Variants in IMMP1L observed in about 807,000 individuals in gnomAD.
The protein encoded by IMMP1L is mitochondrial inner membrane protease subunit 1.
In IMMP1L, 24 loss-of-function variants were observed where a neutral mutation model predicts 21.8. The ratio of observed to expected loss-of-function variants is 1.10; its 90% CI spans 0.80 to 1.55. The LOEUF (loss-of-function observed/expected upper bound fraction) is 1.55, where lower values mean the gene tolerates loss of function less well. IMMP1L is among the 40% of genes most tolerant of loss of function. The pLI, the probability that IMMP1L is intolerant of heterozygous loss-of-function variation, is 0.00. For missense variants in IMMP1L, 195 were observed against 200.7 expected (o/e 0.97, Z 0.17); for synonymous variants, 46 against 62.8 (o/e 0.73, Z 1.26).
At chr11:31,437,391 T>C (rs1953161231) in intron 4 of IMMP1L, among the ~76,000 whole-genome samples, 1 of 152,192 alleles carries the variant, frequency 6.6e-6, no homozygotes, top group Non-Finnish European at 1.5e-5. Context: ...ATGTGGAATT[T>C]TCCACTTGTG....
intron 4 of IMMP1L, among the ~76,000 whole-genome samples, chr11:31,437,816 C>T (rs1343388784): frequency 3.9e-5 from 6 of 152,062 alleles, no homozygotes; most frequent in Non-Finnish European, 7.4e-5. Flanking sequence ...AGTAGTTGTG[C>T]CTGTTGCTTA....
intron 1 of IMMP1L, among the ~76,000 whole-genome samples, chr11:31,490,994 AAAG>A (rs1055250776): frequency 6.6e-6 from 1 of 152,220 alleles, no homozygotes; most frequent in Non-Finnish European, 1.5e-5. Flanking sequence ...CTGCAGAAGC[AAAG>A]AAGGATGCCC....
intron 1 of IMMP1L, among the ~76,000 whole-genome samples, chr11:31,507,849 G>C (rs762492798): frequency 3.3e-5 from 5 of 151,182 alleles, no homozygotes; most frequent in Admixed American, 6.6e-5. Context: ...CCACAAAAAT[G>C]ATAACTATGT....
intron 1 of IMMP1L, among the ~76,000 whole-genome samples, chr11:31,488,726 T>C (rs1021484102): frequency 6.6e-6 from 1 of 152,106 alleles, no homozygotes; most frequent in Non-Finnish European, 1.5e-5. Flanking sequence ...AAGGAATGTG[T>C]GTGATACTGT....
At position 31,484,055 on chromosome 11, in the gene IMMP1L, C is replaced by A. The variant is rs141554265; in HGVS notation, c.-29-20750G>T. The stretch of plus-strand genomic sequence containing the variant: ...ATAACAAATATTTATTTATTCACTG[C>A]TTACTATCTGTCAGGCTCTAGGGAA... On this transcript the variant is annotated intron_variant, in intron 1 of 5. Transcript: ENST00000532287. 6.1e-3 allele frequency among the ~76,000 whole-genome samples: 925 copies of A among 151,862 alleles called. 7 individuals carry two copies. Among genetic ancestry groups the A allele is most frequent in the Non-Finnish European group, 9.2e-3 (621 of 67,770 alleles).
intron 1 of IMMP1L, among the ~76,000 whole-genome samples, chr11:31,501,084 A>G: frequency 6.6e-6 from 1 of 152,218 alleles, no homozygotes; most frequent in East Asian, 1.9e-4. Flanking sequence ...CTCTATAACC[A>G]TACGTGTTTA....
In IMMP1L at chr11:31,507,444, C is replaced by T. The variant is rs200555369; in HGVS notation, c.-30+2075G>A. On this transcript the variant is annotated intron_variant, in intron 1 of 5. Coordinates refer to ENST00000532287, the MANE Select transcript of IMMP1L (RefSeq NM_001304274.2). ...AGTTCTAGTAATGAGGCAAACAAAG[C>T]ACCACTATCATCATCTTGGGAAATC... Among the ~76,000 whole-genome samples, 5 of 152,252 alleles carry T rather than the reference C, an allele frequency of 3.3e-5. No homozygotes were observed. In the East Asian group the frequency reaches 9.7e-4, roughly 29 times the overall value.
intron 4 of IMMP1L, among the ~76,000 whole-genome samples, chr11:31,438,381 G>T (rs1953196544): frequency 6.6e-6 from 1 of 152,036 alleles, no homozygotes; most frequent in South Asian, 2.1e-4. Flanking sequence ...TTTAAAAATG[G>T]GTTATCTTCT....
intron 3 of IMMP1L, 25 bp downstream of exon 3, chr11:31,460,601 T>G (rs753183948): frequency 7.0e-7 from 1 of 1,424,252 alleles, no homozygotes; most frequent in Middle Eastern, 1.8e-4. Flanking sequence ...ACTGTAAATT[T>G]AATATATCCA....
chr11:31,497,990 A>G (rs943214743), intron 1 of IMMP1L, among the ~76,000 whole-genome samples: 4 of 152,214 alleles, frequency 2.6e-5, no homozygotes, highest in African/African-American at 9.6e-5. Context: ...TGGGCTACTG[A>G]TAAGTAGTAA....
At chr11:31,444,295 G>T (rs1242505992) in intron 4 of IMMP1L, among the ~76,000 whole-genome samples, 3 of 152,170 alleles carry the variant, frequency 2.0e-5, no homozygotes. Context: ...TTGCCAGTGT[G>T]AATTATGTCT....
intron 1 of IMMP1L, among the ~76,000 whole-genome samples, chr11:31,503,902 A>G (rs1025447679): frequency 8.5e-5 from 13 of 152,278 alleles, no homozygotes; most frequent in Admixed American, 1.3e-4. Flanking sequence ...TAACCAATGG[A>G]AAGTCCAGAA....
chr11:31,482,966 T>C (rs908318447), intron 1 of IMMP1L, among the ~76,000 whole-genome samples: 7 of 152,042 alleles, frequency 4.6e-5, no homozygotes, highest in Admixed American at 6.6e-5. Flanking sequence ...ATAATAGTTA[T>C]ATATTCACAA....
At chr11:31,476,909 A>C (rs1954748648) in intron 1 of IMMP1L, among the ~76,000 whole-genome samples, 1 of 152,154 alleles carries the variant, frequency 6.6e-6, no homozygotes, top group Admixed American at 6.5e-5. Context: ...TCAATTAACT[A>C]ACTCACTGAT....
chr11:31,463,361 A>AATAAC, intron 1 of IMMP1L, 56 bp from the exon 2 acceptor site: 1 of 1,415,528 alleles, frequency 7.1e-7, no homozygotes, highest in Non-Finnish European at 9.3e-7. Flanking sequence ...ACACTTAAGA[A>AATAAC]ATAACTATTG....
intron 1 of IMMP1L, among the ~76,000 whole-genome samples, chr11:31,505,454 G>T (rs1202571031): frequency 6.6e-6 from 1 of 152,142 alleles, no homozygotes; most frequent in Non-Finnish European, 1.5e-5. Context: ...AGCAGTGCCA[G>T]AAAACAAACT....
intron 4 of IMMP1L, among the ~76,000 whole-genome samples, chr11:31,451,574 A>T (rs2133607516): frequency 6.6e-6 from 1 of 152,214 alleles, no homozygotes; most frequent in East Asian, 1.9e-4. Context: ...TCCCCATATG[A>T]TGGGAAGTGT....
intron 3 of IMMP1L, 60 bp from the exon 4 acceptor site, chr11:31,456,446 G>C (rs997645461): frequency 7.5e-7 from 1 of 1,332,184 alleles, no homozygotes; most frequent in African/African-American, 1.4e-5. Flanking sequence ...CACATGCATG[G>C]CACTGCTTTA....
intron 4 of IMMP1L, among the ~76,000 whole-genome samples, chr11:31,435,700 TCTC>T (rs987749748): frequency 2.0e-5 from 3 of 152,166 alleles, no homozygotes; most frequent in South Asian, 4.1e-4. Flanking sequence ...ACTGGATTGA[TCTC>T]CTTTTTTTCC....
Sources: gnomAD v4.1 joint callset for allele counts (sites outside exome capture counted in the v4.1 genomes callset) on GRCh38, gnomAD v4.1.1 for gene constraint, MANE v1.5 for transcripts, NCBI Gene and HGNC (gene_info 2026-07-23, HGNC 2026-07-21) for gene names.